Variants in ASNS observed in about 807,000 individuals in gnomAD.
The protein encoded by ASNS is asparagine synthetase (glutamine-hydrolyzing), also known as asparagine synthetase [glutamine-hydrolyzing].
In ASNS, 37 loss-of-function variants were observed where a neutral mutation model predicts 62.6. The ratio of observed to expected loss-of-function variants is 0.59; its 90% CI spans 0.45 to 0.78. The LOEUF (loss-of-function observed/expected upper bound fraction) is 0.78. ASNS is among the 30% of genes least tolerant of loss of function. ASNS has a pLI of 0.00. For synonymous variants in ASNS, 207 were observed against 237.9 expected, an observed-to-expected ratio of 0.87 and a Z score of 1.19; for missense variants, 520 against 682.4, an observed-to-expected ratio of 0.76 and a Z score of 2.65.
chr7:97,890,452 G>C, the ASNS span, among the ~76,000 whole-genome samples: 1 of 152,188 alleles, frequency 6.6e-6, no homozygotes. Flanking sequence ...TCACTTATAA[G>C]AGAATCTCCA....
At position 97,868,901 on chromosome 7, in the gene ASNS, T is replaced by C. The variant is rs1381394579; in HGVS notation, c.249+7A>G. ...CGCATCCAGACATCTGGTTTCTTTC[T>C]CCTCACCTTCTTATGGTTGTAGATT... On this transcript the variant is annotated splice_region_variant and intron_variant, in intron 3 of 12. Transcript: ENST00000394308. 2.5e-6 allele frequency: 4 copies of C among 1,612,900 alleles called. No individual in the cohort carries two copies. Among genetic ancestry groups the C allele is most frequent in the Non-Finnish European group, 3.4e-6 (4 of 1,179,492 alleles).
the ASNS span, among the ~76,000 whole-genome samples, chr7:97,907,776 A>AG: frequency 6.6e-6 from 1 of 151,696 alleles, no homozygotes; most frequent in Non-Finnish European, 1.5e-5. Context: ...CTCAAAAAAA[A>AG]AAAAAGCACA....
the ASNS span, among the ~76,000 whole-genome samples, chr7:97,922,588 T>C: frequency 1.3e-5 from 2 of 152,240 alleles, no homozygotes; most frequent in South Asian, 4.1e-4. Context: ...TTTTAAGTGT[T>C]CTCACCATAA....
chr7:97,917,216 CAAA>C, the ASNS span, among the ~76,000 whole-genome samples: 1,465 of 113,560 alleles, frequency 0.013, 6 homozygotes, highest in East Asian at 0.021. Flanking sequence ...ATATTTGCAC[CAAA>C]AAAAAAAAAA....
the ASNS span, among the ~76,000 whole-genome samples, chr7:97,888,938 T>C: frequency 2.0e-5 from 3 of 152,276 alleles, no homozygotes; most frequent in Middle Eastern, 3.4e-3. Flanking sequence ...CACCAGAACC[T>C]GCATATGTCA....
intron 3 of ASNS, 108 bp downstream of exon 3, chr7:97,868,800 T>C: frequency 2.7e-6 from 4 of 1,481,400 alleles, no homozygotes; most frequent in Non-Finnish European, 2.7e-6. Flanking sequence ...ATAACGAACA[T>C]AGAGTGCTTT....
the ASNS span, among the ~76,000 whole-genome samples, chr7:97,910,484 C>A: frequency 3.9e-5 from 6 of 152,118 alleles, no homozygotes; most frequent in African/African-American, 1.4e-4. Context: ...CAGAGCCAGC[C>A]CTGGGAATGT....
At chr7:97,871,926 A>C (rs1430172097) in intron 1 of ASNS, 3 of 152,216 alleles carry the variant, frequency 2.0e-5, no homozygotes, top group African/African-American at 7.2e-5. Flanking sequence ...GCGACACCTG[A>C]CTGCGCCCTG....
At chr7:97,899,303 T>A in the ASNS span, among the ~76,000 whole-genome samples, 1 of 152,152 alleles carries the variant, frequency 6.6e-6, no homozygotes, top group Non-Finnish European at 1.5e-5. Context: ...TTTCTTTTTT[T>A]GTACACACAG....
At chr7:97,896,737 C>T in the ASNS span, among the ~76,000 whole-genome samples, 663 of 30,114 alleles carry the variant, frequency 0.022, 4 homozygotes, top group African/African-American at 0.036. Flanking sequence ...CACACACACA[C>T]ACACATATAT....
intron 8 of ASNS, 119 bp from the exon 9 acceptor site, chr7:97,855,578 ATAAAG>A (rs1477966448): frequency 1.0e-4 from 61 of 594,026 alleles, no homozygotes; most frequent in African/African-American, 7.3e-4. Context: ...TCATATTAAT[ATAAAG>A]TAGTTTCCAC....
At chr7:97,912,558 A>C in the ASNS span, among the ~76,000 whole-genome samples, 1 of 135,432 alleles carries the variant, frequency 7.4e-6, no homozygotes, top group Non-Finnish European at 1.5e-5. Context: ...AGGAAGTGTT[A>C]ACTTTGCTTT....
Position 97,854,460 on chromosome 7 carries a change from T to C in ASNS, c.1238+120A>G, listed in dbSNP as rs1159878552. ...ACACTTTGTAACATATAGCCAACTA[T>C]ATGTAACATATAGCCAATCAGCTAT... is the stretch of plus-strand genomic sequence containing the variant. On this transcript the variant is annotated intron_variant, in intron 10 of 12. Coordinates refer to ENST00000394308, the MANE Select transcript of ASNS (RefSeq NM_001673.5). 3 of 1,219,620 alleles carry C rather than the reference T, an allele frequency of 2.5e-6. No individual in the cohort carries two copies. The South Asian group carries it at 4.5e-5, about 18-fold the overall frequency. 75.5% of individuals were successfully genotyped at this position (1,219,620 alleles called of 1,614,324 possible). A position where few individuals can be genotyped will look rare whatever the true frequency, so the allele number is the denominator to read the frequency against.
the ASNS span, among the ~76,000 whole-genome samples, chr7:97,912,591 T>TTTTTTTTTTTTTTTTTTC: frequency 1.3e-5 from 1 of 79,378 alleles, no homozygotes; most frequent in African/African-American, 5.2e-5. Context: ...TTTTTTTTTT[T>TTTTTTTTTTTTTTTTTTC]TTCTGTTTTC....
At chr7:97,872,324 G>A (rs1792320867) in intron 1 of ASNS, 27 bp downstream of exon 1, 1 of 153,582 alleles carries the variant, frequency 6.5e-6, no homozygotes, top group East Asian at 1.9e-4. Flanking sequence ...GCGGGGCGCA[G>A]GGCACGGGGC....
the ASNS span, among the ~76,000 whole-genome samples, chr7:97,912,243 A>G: frequency 1.3e-5 from 2 of 152,174 alleles, no homozygotes. Flanking sequence ...TCAACTCTGG[A>G]GCTGTCTTAG....
At chr7:97,854,480 A>G in intron 10 of ASNS, 100 bp downstream of exon 10, 1 of 1,405,714 alleles carries the variant, frequency 7.1e-7, no homozygotes, top group Non-Finnish European at 9.7e-7. Flanking sequence ...ATAGCCAATC[A>G]GCTATTGATT....
At chr7:97,914,008 A>G in the ASNS span, among the ~76,000 whole-genome samples, 2 of 149,542 alleles carry the variant, frequency 1.3e-5, no homozygotes, top group African/African-American at 2.5e-5. Flanking sequence ...GAATGGGTGG[A>G]TAGATGCATG....
intron 4 of ASNS, among the ~76,000 whole-genome samples, chr7:97,861,451 C>T (rs1159673170): frequency 1.3e-5 from 2 of 152,128 alleles, no homozygotes; most frequent in Admixed American, 1.3e-4. Flanking sequence ...TCTTGGCACC[C>T]TTGTCAAAAA....
Sources: gnomAD v4.1 joint callset for allele counts (sites outside exome capture counted in the v4.1 genomes callset) on GRCh38, gnomAD v4.1.1 for gene constraint, MANE v1.5 for transcripts, NCBI Gene and HGNC (gene_info 2026-07-23, HGNC 2026-07-21) for gene names.